Variants in RBFOX1 observed in about 807,000 individuals in gnomAD.
RBFOX1 encodes the protein RNA binding fox-1 homolog 1.
Under a neutral mutation model 57.7 loss-of-function variants are expected in RBFOX1, and 8 were observed. The ratio of observed to expected loss-of-function variants is 0.14; its 90% CI spans 0.08 to 0.25. The LOEUF (loss-of-function observed/expected upper bound fraction) is 0.25, where lower values mean the gene tolerates loss of function less well. RBFOX1 is among the 10% of genes least tolerant of loss of function. The pLI is 1.00. For missense variants in RBFOX1, 611 were observed against 548.5 expected (o/e 1.11, Z -1.14); for synonymous variants, 326 against 222.4 (o/e 1.47, Z -4.15).
At chr16:5,621,475 C>G (rs917083345) in intron 3 of RBFOX1, among the ~76,000 whole-genome samples, 1 of 152,108 alleles carries the variant, frequency 6.6e-6, no homozygotes, top group Non-Finnish European at 1.5e-5. Flanking sequence ...ATACCGCTGT[C>G]AGTCATTGAT....
At chr16:7,554,715 G>GA (rs920220566) in intron 5 of RBFOX1, among the ~76,000 whole-genome samples, 2 of 151,232 alleles carry the variant, frequency 1.3e-5, no homozygotes, top group South Asian at 2.1e-4. Flanking sequence ...TCCCAATTTG[G>GA]AAAAAAATTT....
intron 4 of RBFOX1, among the ~76,000 whole-genome samples, chr16:7,472,062 C>T (rs1460216775): frequency 6.6e-6 from 1 of 152,096 alleles, no homozygotes; most frequent in Non-Finnish European, 1.5e-5. Flanking sequence ...AGCTGCTATG[C>T]CTGGCATCTC....
intron 3 of RBFOX1, among the ~76,000 whole-genome samples, chr16:6,673,738 A>G (rs909827052): frequency 2.0e-5 from 3 of 152,240 alleles, no homozygotes; most frequent in African/African-American, 7.2e-5. Context: ...GACAAAGGCA[A>G]GGACAGAAAT....
chr16:5,423,551 C>T (rs897056643), intron 1 of RBFOX1, among the ~76,000 whole-genome samples: 1 of 152,166 alleles, frequency 6.6e-6, no homozygotes, highest in Non-Finnish European at 1.5e-5. Flanking sequence ...CTACCCTGGG[C>T]TGTTGCTGCG....
At chr16:7,503,647 G>A (rs2071759483) in intron 4 of RBFOX1, among the ~76,000 whole-genome samples, 1 of 152,200 alleles carries the variant, frequency 6.6e-6, no homozygotes, top group African/African-American at 2.4e-5. Context: ...GCTGGTGAAA[G>A]GAGATGGATT....
At chr16:7,126,106 A>T (rs1257661214) in intron 4 of RBFOX1, among the ~76,000 whole-genome samples, 1 of 152,232 alleles carries the variant, frequency 6.6e-6, no homozygotes, top group Non-Finnish European at 1.5e-5. Context: ...AATAAAAAAT[A>T]AAAAAGTTTA....
At chr16:5,412,107 C>G (rs925929345) in intron 1 of RBFOX1, among the ~76,000 whole-genome samples, 5 of 152,130 alleles carry the variant, frequency 3.3e-5, no homozygotes, top group Admixed American at 3.3e-4. Flanking sequence ...ATGGGGACCA[C>G]TGAGACTGAC....
intron 2 of RBFOX1, among the ~76,000 whole-genome samples, chr16:6,470,085 G>A (rs1052208125): frequency 6.6e-6 from 1 of 152,148 alleles, no homozygotes; most frequent in Non-Finnish European, 1.5e-5. Context: ...TCTTTAACCA[G>A]AATGCTTTGC....
intron 2 of RBFOX1, among the ~76,000 whole-genome samples, chr16:6,648,229 T>A (rs2098549641): frequency 6.6e-6 from 1 of 151,936 alleles, no homozygotes; most frequent in Non-Finnish European, 1.5e-5. Flanking sequence ...TCTTCTTTAT[T>A]ATTATTTTTT....
chr16:7,451,982 G>C (rs1381659145), intron 4 of RBFOX1, among the ~76,000 whole-genome samples: 2 of 152,168 alleles, frequency 1.3e-5, no homozygotes, highest in African/African-American at 4.8e-5. Flanking sequence ...GGAACAGAGA[G>C]AGACAAAGAG....
intron 3 of RBFOX1, among the ~76,000 whole-genome samples, chr16:5,680,139 G>A (rs7205245): frequency 0.95 from 144,451 of 152,242 alleles, 68,606 homozygotes; most frequent in Non-Finnish European, 0.96. Context: ...GGAGAAGGAA[G>A]ATATGTGTGG....
chr16:7,162,027 C>T (rs1601511553), intron 4 of RBFOX1, among the ~76,000 whole-genome samples: 1 of 152,184 alleles, frequency 6.6e-6, no homozygotes, highest in Non-Finnish European at 1.5e-5. Flanking sequence ...CTGGGGCTGA[C>T]ATTTACTGTA....
intron 4 of RBFOX1, among the ~76,000 whole-genome samples, chr16:7,509,823 A>G (rs978641349): frequency 2.0e-5 from 3 of 152,186 alleles, no homozygotes; most frequent in Non-Finnish European, 4.4e-5. Context: ...AGAAAAAATA[A>G]GATAGTAGCA....
At chr16:6,797,211 A>T (rs764419968) in intron 3 of RBFOX1, among the ~76,000 whole-genome samples, 1 of 152,148 alleles carries the variant, frequency 6.6e-6, no homozygotes, top group Non-Finnish European at 1.5e-5. Flanking sequence ...TTACTAAGGA[A>T]TCTGTCCAAA....
chr16:5,480,350 G>T (rs1032663641), intron 2 of RBFOX1, among the ~76,000 whole-genome samples: 1 of 150,866 alleles, frequency 6.6e-6, no homozygotes, highest in South Asian at 2.1e-4. Flanking sequence ...TAAACACCTC[G>T]CCCATCTATG....
intron 3 of RBFOX1, among the ~76,000 whole-genome samples, chr16:5,851,018 T>A (rs2056884558): frequency 6.6e-6 from 1 of 152,186 alleles, no homozygotes; most frequent in East Asian, 1.9e-4. Context: ...GAAACTTGCC[T>A]TGTTGATTCC....
At chr16:6,444,147 C>T (rs757152042) in intron 2 of RBFOX1, among the ~76,000 whole-genome samples, 1 of 152,092 alleles carries the variant, frequency 6.6e-6, no homozygotes, top group East Asian at 1.9e-4. Flanking sequence ...TTGTGAACCA[C>T]GGTTGAAGTC....
intron 2 of RBFOX1, among the ~76,000 whole-genome samples, chr16:5,544,164 A>G (rs949065144): frequency 1.3e-5 from 2 of 152,160 alleles, no homozygotes; most frequent in Admixed American, 1.3e-4. Context: ...TGGTAAAATA[A>G]ATTATTTTCT....
chr16:5,875,536 G>A (rs2057584240), intron 4 of RBFOX1, among the ~76,000 whole-genome samples: 1 of 152,182 alleles, frequency 6.6e-6, no homozygotes, highest in Non-Finnish European at 1.5e-5. Context: ...AAGGCAATAA[G>A]CATATTATTT....
Sources: gnomAD v4.1 joint callset for allele counts (sites outside exome capture counted in the v4.1 genomes callset) on GRCh38, gnomAD v4.1.1 for gene constraint, MANE v1.5 for transcripts, NCBI Gene and HGNC (gene_info 2026-07-23, HGNC 2026-07-21) for gene names.